The following MACROD2 variants were observed in gnomAD, a reference collection of about 807,000 sequenced individuals.
The protein encoded by MACROD2 is mono-ADP ribosylhydrolase 2.
Under a neutral mutation model 70.4 loss-of-function variants are expected in MACROD2, and 36 were observed. The ratio of observed to expected loss-of-function variants is 0.51; its 90% CI spans 0.39 to 0.68. The LOEUF is 0.68. Ranked by LOEUF, MACROD2 falls within the 30% of genes least tolerant of loss-of-function variation. MACROD2 has a pLI of 0.00. For missense variants in MACROD2, 496 were observed against 538.4 expected (o/e 0.92, Z 0.78); for synonymous variants, 172 against 178.8 (o/e 0.96, Z 0.30).
intron 5 of MACROD2, among the ~76,000 whole-genome samples, chr20:14,922,616 G>A (rs963261053): frequency 5.9e-5 from 9 of 152,118 alleles, no homozygotes; most frequent in Non-Finnish European, 1.0e-4. Flanking sequence ...TGAATCTACA[G>A]CTTTACCGAA....
intron 4 of MACROD2, among the ~76,000 whole-genome samples, chr20:14,636,743 A>G (rs1281425132): frequency 6.6e-6 from 1 of 152,184 alleles, no homozygotes; most frequent in East Asian, 1.9e-4. Flanking sequence ...ATTGTACTTC[A>G]TATCTACAAC....
chr20:15,812,207 T>C (rs980669946), intron 8 of MACROD2, among the ~76,000 whole-genome samples: 1 of 152,174 alleles, frequency 6.6e-6, no homozygotes, highest in Non-Finnish European at 1.5e-5. Flanking sequence ...TATAACACAA[T>C]GCCTTATACA....
At chr20:15,108,797 T>C (rs1438020105) in intron 5 of MACROD2, among the ~76,000 whole-genome samples, 1 of 152,172 alleles carries the variant, frequency 6.6e-6, no homozygotes, top group Non-Finnish European at 1.5e-5. Flanking sequence ...AGTCTCACCA[T>C]GATGGGTCTT....
At chr20:15,922,874 A>G (rs1436072694) in intron 10 of MACROD2, among the ~76,000 whole-genome samples, 2 of 152,238 alleles carry the variant, frequency 1.3e-5, no homozygotes, top group African/African-American at 4.8e-5. Context: ...GTTTTGCTCA[A>G]TGATGAATCC....
intron 5 of MACROD2, among the ~76,000 whole-genome samples, chr20:14,926,065 T>C (rs1189203349): frequency 1.3e-5 from 2 of 152,216 alleles, no homozygotes; most frequent in African/African-American, 4.8e-5. Flanking sequence ...CAAATCTGTA[T>C]CAGTAAGGCA....
intron 5 of MACROD2, among the ~76,000 whole-genome samples, chr20:14,692,495 C>G (rs1043100923): frequency 3.9e-5 from 6 of 152,190 alleles, no homozygotes; most frequent in African/African-American, 1.4e-4. Flanking sequence ...TCATTTACCC[C>G]TGATATCCTT....
chr20:15,423,894 A>G (rs1181592669), intron 6 of MACROD2, among the ~76,000 whole-genome samples: 1 of 152,138 alleles, frequency 6.6e-6, no homozygotes, highest in Non-Finnish European at 1.5e-5. Flanking sequence ...TATTTCTTAC[A>G]GTTCTGGAGG....
intron 5 of MACROD2, among the ~76,000 whole-genome samples, chr20:14,831,199 T>A (rs1327026405): frequency 6.6e-6 from 1 of 152,116 alleles, no homozygotes. Context: ...AATATATATT[T>A]GTTGAATAAG....
intron 6 of MACROD2, among the ~76,000 whole-genome samples, chr20:15,357,182 G>A (rs1600286886): frequency 6.6e-6 from 1 of 152,076 alleles, no homozygotes; most frequent in Admixed American, 6.6e-5. Context: ...TTTGACTTCT[G>A]TAACAAACAA....
At chr20:16,024,541 A>G (rs987936920) in intron 15 of MACROD2, among the ~76,000 whole-genome samples, 2 of 151,966 alleles carry the variant, frequency 1.3e-5, no homozygotes, top group Admixed American at 6.6e-5. Context: ...ACACACACAC[A>G]CACATGCCAA....
chr20:14,158,189 C>T (rs559901544), intron 3 of MACROD2, among the ~76,000 whole-genome samples: 1 of 152,092 alleles, frequency 6.6e-6, no homozygotes, highest in Non-Finnish European at 1.5e-5. Context: ...TGATGTTGAG[C>T]ATTTTTTCAT....
chr20:14,178,653 G>A (rs1421239272), intron 3 of MACROD2, among the ~76,000 whole-genome samples: 1 of 151,748 alleles, frequency 6.6e-6, no homozygotes, highest in African/African-American at 2.4e-5. Context: ...TTTTTTGTAC[G>A]GCTTTGACTC....
intron 5 of MACROD2, among the ~76,000 whole-genome samples, chr20:14,891,895 A>ACTCTCCTGTCCTCCCCT (rs2073765544): frequency 6.6e-6 from 1 of 152,000 alleles, no homozygotes; most frequent in African/African-American, 2.4e-5. Context: ...TTCTTAAAAT[A>ACTCTCCTGTCCTCCCCT]CTCTCCTGTC....
chr20:14,860,708 A>T (rs1321957866), intron 5 of MACROD2, among the ~76,000 whole-genome samples: 1 of 152,148 alleles, frequency 6.6e-6, no homozygotes, highest in Non-Finnish European at 1.5e-5. Context: ...ACCCAGGTGG[A>T]GGTCCCTGCT....
chr20:14,772,726 A>G (rs1286788307), intron 5 of MACROD2, among the ~76,000 whole-genome samples: 1 of 152,088 alleles, frequency 6.6e-6, no homozygotes. Context: ...TAAATTGACA[A>G]TACTTTTAAT....
At chr20:14,064,834 TGAA>T (rs1601178031) in intron 2 of MACROD2, among the ~76,000 whole-genome samples, 1 of 152,118 alleles carries the variant, frequency 6.6e-6, no homozygotes, top group East Asian at 1.9e-4. Context: ...CGATACTAAA[TGAA>T]GAACATTTGT....
At chr20:15,969,919 GAAAT>G (rs964730250) in intron 13 of MACROD2, among the ~76,000 whole-genome samples, 1 of 143,694 alleles carries the variant, frequency 7.0e-6, no homozygotes, top group African/African-American at 2.8e-5. Flanking sequence ...ATAAATAATA[GAAAT>G]AAATATAAAT....
chr20:15,235,329 T>C lies in MACROD2; in HGVS notation c.540+5268T>C, dbSNP rs1169085458. Among the ~76,000 whole-genome samples, 3 of 152,352 alleles carry C rather than the reference T, an allele frequency of 2.0e-5. No individual in the cohort carries two copies. The East Asian group carries it at 5.8e-4, about 29-fold the overall frequency. On this transcript the variant is annotated intron_variant, in intron 6 of 17. Transcript: ENST00000684519. ...GTATGTTTGTTTAAGTGGTGTATGCTACCTGTGATTTCCACAAGCATCATG... is the reference window on the plus strand; with the variant it reads ...GTATGTTTGTTTAAGTGGTGTATGCCACCTGTGATTTCCACAAGCATCATG...
At chr20:14,816,319 A>C (rs2072773246) in intron 5 of MACROD2, among the ~76,000 whole-genome samples, 1 of 152,022 alleles carries the variant, frequency 6.6e-6, no homozygotes, top group African/African-American at 2.4e-5. Flanking sequence ...TCTATTTTTA[A>C]CTTTATAATA....
Sources: gnomAD v4.1 joint callset for allele counts (sites outside exome capture counted in the v4.1 genomes callset) on GRCh38, gnomAD v4.1.1 for gene constraint, MANE v1.5 for transcripts, NCBI Gene and HGNC (gene_info 2026-07-23, HGNC 2026-07-21) for gene names.